Variants in ATP8A1 observed in about 807,000 individuals in gnomAD.
ATP8A1 encodes the protein ATPase phospholipid transporting 8A1.
ATP8A1 carries 90 observed loss-of-function variants against 177.7 expected under a neutral mutation model. The ratio of observed to expected loss-of-function variants is 0.51; its 90% CI spans 0.43 to 0.60. The LOEUF (loss-of-function observed/expected upper bound fraction) is 0.60, where lower values mean the gene tolerates loss of function less well. ATP8A1 is among the 20% of genes least tolerant of loss of function. ATP8A1 has a pLI of 0.00. For synonymous variants in ATP8A1, 493 were observed against 485.9 expected (o/e 1.01, Z -0.19); for missense variants, 1,072 against 1,392.8 (o/e 0.77, Z 3.67).
At chr4:42,443,755 T>C (rs934966577) in intron 32 of ATP8A1, 83 bp from the exon 33 acceptor site, 1 of 676,132 alleles carries the variant, frequency 1.5e-6, no homozygotes, top group Non-Finnish European at 2.7e-6. Flanking sequence ...CAAATTCCCT[T>C]ATTAACTTTT....
chr4:42,486,384 T>G (rs112205844), intron 24 of ATP8A1, among the ~76,000 whole-genome samples: 8,729 of 152,264 alleles, frequency 0.057, 307 homozygotes, highest in African/African-American at 0.091. Context: ...ATATTTAGGC[T>G]AAATTGTGGG....
intron 15 of ATP8A1, among the ~76,000 whole-genome samples, chr4:42,563,108 G>C (rs1731008283): frequency 6.6e-6 from 1 of 152,172 alleles, no homozygotes; most frequent in African/African-American, 2.4e-5. Context: ...AGAAAATGTG[G>C]GAAAGTTTGG....
intron 4 of ATP8A1, 86 bp from the exon 5 acceptor site, chr4:42,616,164 G>C: frequency 8.6e-7 from 1 of 1,167,182 alleles, no homozygotes; most frequent in South Asian, 1.4e-5. Flanking sequence ...AAAAGATTTA[G>C]CTTATGTTTC....
chr4:42,414,063 T>TA (rs1318938168), intron 36 of ATP8A1, among the ~76,000 whole-genome samples: 2 of 149,296 alleles, frequency 1.3e-5, no homozygotes, highest in African/African-American at 4.9e-5. Flanking sequence ...TAGACATGAG[T>TA]ATACGTAAGT....
intron 36 of ATP8A1, 84 bp from the exon 37 acceptor site, chr4:42,413,097 C>T (rs1712811264): frequency 9.0e-7 from 1 of 1,108,472 alleles, no homozygotes; most frequent in African/African-American, 1.6e-5. Context: ...CATTTTCTAG[C>T]CTGGGGAACA....
intron 1 of ATP8A1, among the ~76,000 whole-genome samples, chr4:42,642,280 C>T (rs1199840832): frequency 1.3e-5 from 2 of 152,150 alleles, no homozygotes; most frequent in Non-Finnish European, 2.9e-5. Flanking sequence ...AAAGAGCATC[C>T]AAGAACTCCA....
intron 1 of ATP8A1, among the ~76,000 whole-genome samples, chr4:42,646,224 AGG>A (rs1740516250): frequency 6.6e-6 from 1 of 152,202 alleles, no homozygotes; most frequent in African/African-American, 2.4e-5. Flanking sequence ...AGTCCAAGCT[AGG>A]GTTGGGAACC....
chr4:42,500,942 G>C (rs1374042939), intron 24 of ATP8A1, among the ~76,000 whole-genome samples: 2 of 152,106 alleles, frequency 1.3e-5, no homozygotes, highest in East Asian at 3.9e-4. Flanking sequence ...TGGTGATCTA[G>C]ATTATGGAAG....
At chr4:42,600,608 C>T in intron 5 of ATP8A1, 90 bp from the exon 6 acceptor site, 1 of 1,237,410 alleles carries the variant, frequency 8.1e-7, no homozygotes, top group Non-Finnish European at 1.1e-6. Flanking sequence ...CGAATAGCTT[C>T]AGTCAAAATA....
intron 25 of ATP8A1, among the ~76,000 whole-genome samples, chr4:42,482,229 G>A (rs1445338646): frequency 1.3e-5 from 2 of 151,972 alleles, no homozygotes; most frequent in African/African-American, 4.8e-5. Context: ...TTGAACCCAG[G>A]AGGTGGGGGT....
At position 42,626,986 on chromosome 4, in the gene ATP8A1, A is replaced by T. The variant is rs1738170118; in HGVS notation, c.164+9T>A. ...GGCTGGTCTCATGGCATTCTTTGGT[A>T]GTTCTTACCTGACATGGTTATTGCA... On this transcript the variant is annotated intron_variant, in intron 2 of 36. Transcript: ENST00000381668. 2 of 1,604,778 alleles carry T rather than the reference A, an allele frequency of 1.2e-6. No homozygotes were observed. Among genetic ancestry groups the T allele is most frequent in the East Asian group, 4.5e-5 (2 of 44,834 alleles).
At chr4:42,438,943 G>A (rs1716309262) in intron 33 of ATP8A1, among the ~76,000 whole-genome samples, 2 of 152,112 alleles carry the variant, frequency 1.3e-5, no homozygotes, top group African/African-American at 4.8e-5. Context: ...AATAAATGTT[G>A]GTTCCCTTCC....
At chr4:42,445,566 C>G (rs972276097) in intron 31 of ATP8A1, among the ~76,000 whole-genome samples, 4 of 152,184 alleles carry the variant, frequency 2.6e-5, no homozygotes, top group Non-Finnish European at 4.4e-5. Context: ...TTTGCTAGCA[C>G]TTGATCAATA....
At chr4:42,437,451 C>G (rs547824773) in intron 33 of ATP8A1, among the ~76,000 whole-genome samples, 36 of 152,276 alleles carry the variant, frequency 2.4e-4, no homozygotes, top group Non-Finnish European at 4.7e-4. Context: ...AAGTTCTCCT[C>G]TTAAATCACA....
Position 42,652,342 on chromosome 4 carries a change from A to G in ATP8A1, c.49+4483T>C, listed in dbSNP as rs536481418. Among the ~76,000 whole-genome samples, 6 of 152,332 alleles carry G rather than the reference A, an allele frequency of 3.9e-5. No individual in the cohort carries two copies. The East Asian group carries it at 7.7e-4, about 20-fold the overall frequency. ...CCCAAGCCCACCACAGATTTACTCA[A>G]CTAAATCTTCACAAGCCAGCCCAAT... On this transcript the variant is annotated intron_variant, in intron 1 of 36. Transcript: ENST00000381668.
At chr4:42,511,790 G>C (rs972394134) in intron 22 of ATP8A1, among the ~76,000 whole-genome samples, 4 of 151,948 alleles carry the variant, frequency 2.6e-5, no homozygotes, top group African/African-American at 9.7e-5. Context: ...TTCCATATTA[G>C]CAAACATTAT....
intron 5 of ATP8A1, among the ~76,000 whole-genome samples, chr4:42,615,799 T>G (rs1736847119): frequency 6.6e-6 from 1 of 152,240 alleles, no homozygotes. Context: ...ACTATTGCTA[T>G]GAAGCACTTA....
At chr4:42,630,048 A>G (rs758711354) in intron 1 of ATP8A1, among the ~76,000 whole-genome samples, 29 of 152,222 alleles carry the variant, frequency 1.9e-4, no homozygotes, top group Non-Finnish European at 2.8e-4. Context: ...ATTGAAAGTT[A>G]TTCAATATGC....
intron 4 of ATP8A1, among the ~76,000 whole-genome samples, chr4:42,616,516 A>G (rs1736932088): frequency 6.6e-6 from 1 of 152,184 alleles, no homozygotes; most frequent in Non-Finnish European, 1.5e-5. Context: ...CAGCTTACGA[A>G]ATTTGTTACC....
Sources: gnomAD v4.1 joint callset for allele counts (sites outside exome capture counted in the v4.1 genomes callset) on GRCh38, gnomAD v4.1.1 for gene constraint, MANE v1.5 for transcripts, NCBI Gene and HGNC (gene_info 2026-07-23, HGNC 2026-07-21) for gene names.